NAV2: variants seen among roughly 807,000 people sequenced by gnomAD.
The protein encoded by NAV2 is helicase, APC down-regulated 1.
Under a neutral mutation model 223.2 loss-of-function variants are expected in NAV2, and 54 were observed. That is an observed-to-expected ratio of 0.24 (90% confidence interval 0.19 to 0.30). The LOEUF (loss-of-function observed/expected upper bound fraction) is 0.30, where lower values mean the gene tolerates loss of function less well. NAV2 is among the 10% of genes least tolerant of loss of function. The pLI is 1.00. For synonymous variants in NAV2, 1,279 were observed against 1,239.3 expected (o/e 1.03, Z -0.67); for missense variants, 2,806 against 3,147.5 (o/e 0.89, Z 2.60).
At chr11:19,495,904 G>A (rs924961073) in intron 1 of NAV2, among the ~76,000 whole-genome samples, 17 of 152,252 alleles carry the variant, frequency 1.1e-4, no homozygotes, top group East Asian at 1.9e-4. Flanking sequence ...CAGTGACAGC[G>A]GGAGAGGAGA....
At chr11:19,385,026 T>C (rs1848982629) in intron 1 of NAV2, 1 of 152,132 alleles carries the variant, frequency 6.6e-6, no homozygotes, top group Non-Finnish European at 1.5e-5. Flanking sequence ...GGCAAAAGAC[T>C]TGAACAAGCA....
intron 1 of NAV2, among the ~76,000 whole-genome samples, chr11:19,526,968 C>G (rs1274253782): frequency 6.6e-6 from 1 of 152,186 alleles, no homozygotes; most frequent in African/African-American, 2.4e-5. Flanking sequence ...GGGTTCATGG[C>G]TCCTTGGCTG....
intron 1 of NAV2, among the ~76,000 whole-genome samples, chr11:19,453,481 G>A (rs728970): frequency 0.14 from 20,986 of 152,196 alleles, 1,554 homozygotes; most frequent in East Asian, 0.24. Flanking sequence ...TGTTAGAAAT[G>A]TGTTTAAGGG....
At chr11:19,458,513 A>G (rs1022348676) in intron 1 of NAV2, among the ~76,000 whole-genome samples, 2 of 152,362 alleles carry the variant, frequency 1.3e-5, no homozygotes, top group Non-Finnish European at 1.5e-5. Flanking sequence ...GAATTGTGAT[A>G]ATAGCTAAGA....
At chr11:19,474,185 C>T (rs779696031) in intron 1 of NAV2, among the ~76,000 whole-genome samples, 1 of 152,210 alleles carries the variant, frequency 6.6e-6, no homozygotes, top group Non-Finnish European at 1.5e-5. Context: ...TTTTTGCCTG[C>T]AGCCATCCCA....
At chr11:19,939,597 C>G (rs1375049421) in intron 7 of NAV2, 64 bp from the exon 8 acceptor site, 4 of 1,307,938 alleles carry the variant, frequency 3.1e-6, no homozygotes, top group Non-Finnish European at 4.4e-6. Context: ...GGTTAGACCA[C>G]AGTGGTCCAG....
At chr11:19,912,609 G>A (rs1039206029) in intron 6 of NAV2, among the ~76,000 whole-genome samples, 3 of 152,122 alleles carry the variant, frequency 2.0e-5, no homozygotes, top group Admixed American at 1.3e-4. Context: ...CATGAAGACC[G>A]TCCTTTAGTG....
intron 1 of NAV2, among the ~76,000 whole-genome samples, chr11:19,512,132 T>G (rs1435926910): frequency 6.6e-6 from 1 of 152,126 alleles, no homozygotes; most frequent in Non-Finnish European, 1.5e-5. Context: ...AGGAAACCAC[T>G]TCATTCCCTG....
At chr11:19,590,195 A>G (rs2046020116) in intron 1 of NAV2, among the ~76,000 whole-genome samples, 1 of 152,236 alleles carries the variant, frequency 6.6e-6, no homozygotes, top group Non-Finnish European at 1.5e-5. Flanking sequence ...ATGCATGTAA[A>G]GCATTTATAA....
In NAV2 at chr11:20,103,421, T is replaced by C. The variant is rs1005312302; in HGVS notation, c.6572+12T>C. The C allele has an allele frequency of 3.7e-6, 6 of 1,611,446 alleles. No homozygotes were observed. The Admixed American group carries it at 6.7e-5, about 18-fold the overall frequency. On this transcript the variant is annotated intron_variant, in intron 33 of 37. Coordinates refer to ENST00000349880, the MANE Select transcript of NAV2 (RefSeq NM_145117.5). ...AAGTACCACAAATGGTAAAGGCTGG[T>C]TCTGGACCTCATAGCCCCCCGGGAG...
chr11:19,467,422 A>AATC (rs1852407644), intron 1 of NAV2, among the ~76,000 whole-genome samples: 1 of 152,242 alleles, frequency 6.6e-6, no homozygotes, highest in Non-Finnish European at 1.5e-5. Context: ...GATTTTTAGA[A>AATC]GTAAGTTAAA....
chr11:19,699,226 C>T (rs369608258), intron 1 of NAV2, among the ~76,000 whole-genome samples: 8 of 152,240 alleles, frequency 5.3e-5, no homozygotes, highest in African/African-American at 1.7e-4. Flanking sequence ...AATGCTGGTT[C>T]TTCCTAGCTC....
intron 15 of NAV2, 93 bp from the exon 16 acceptor site, chr11:20,049,743 G>A: frequency 1.7e-6 from 2 of 1,207,784 alleles, no homozygotes; most frequent in Non-Finnish European, 2.5e-6. Flanking sequence ...GCGAGGATCA[G>A]CATGGGGAAT....
At chr11:19,944,989 C>CTTTCCA (rs150456066) in intron 8 of NAV2, among the ~76,000 whole-genome samples, 1 of 146,090 alleles carries the variant, frequency 6.8e-6, no homozygotes, top group Non-Finnish European at 1.5e-5. Context: ...TTCCCTTTCC[C>CTTTCCA]TTTCCATTTC....
chr11:19,908,896 G>C (rs928705212), intron 6 of NAV2, among the ~76,000 whole-genome samples: 1 of 152,150 alleles, frequency 6.6e-6, no homozygotes, highest in Non-Finnish European at 1.5e-5. Context: ...AGTTGCTAGA[G>C]TTTCTTCTTG....
intron 1 of NAV2, among the ~76,000 whole-genome samples, chr11:19,605,295 C>A (rs973573947): frequency 2.8e-4 from 42 of 152,234 alleles, no homozygotes; most frequent in African/African-American, 9.4e-4. Flanking sequence ...TCATCTAGAT[C>A]TTTTGGTTTT....
At chr11:19,605,929 G>C (rs1384036592) in intron 1 of NAV2, among the ~76,000 whole-genome samples, 1 of 152,162 alleles carries the variant, frequency 6.6e-6, no homozygotes. Flanking sequence ...TGAGGAGAGA[G>C]GGATAGTGGA....
At chr11:19,492,436 C>A (rs959334640) in intron 1 of NAV2, among the ~76,000 whole-genome samples, 1 of 152,048 alleles carries the variant, frequency 6.6e-6, no homozygotes, top group African/African-American at 2.4e-5. Flanking sequence ...AGAGAGGGAG[C>A]ACACTTTCTT....
chr11:20,095,263 A>G (rs1201057837), intron 29 of NAV2, among the ~76,000 whole-genome samples: 1 of 152,212 alleles, frequency 6.6e-6, no homozygotes, highest in Non-Finnish European at 1.5e-5. Flanking sequence ...GAATTGCCGA[A>G]GCAATTTAAG....
Sources: allele counts gnomAD v4.1 joint callset (sites outside exome capture counted in the v4.1 genomes callset), GRCh38; gene constraint gnomAD v4.1.1; transcripts MANE v1.5; gene names NCBI Gene and HGNC (gene_info 2026-07-23, HGNC 2026-07-21).